Variants in NBEAL1 observed in about 807,000 individuals in gnomAD.
NBEAL1 encodes neurobeachin-like protein 1.
A neutral mutation model predicts 351.3 loss-of-function variants in NBEAL1; 273 were observed. The observed-to-expected ratio is 0.78, with a 90% CI of 0.70 to 0.86. NBEAL1 has a LOEUF of 0.86. NBEAL1 is among the 40% of genes least tolerant of loss of function. The pLI is 0.00. For synonymous variants in NBEAL1, 1,050 were observed against 1,086.4 expected (o/e 0.97, Z 0.66); for missense variants, 2,961 against 3,201.3 (o/e 0.92, Z 1.81).
intron 4 of NBEAL1, among the ~76,000 whole-genome samples, chr2:203,051,103 C>T (rs1210588326): frequency 2.0e-5 from 3 of 152,054 alleles, no homozygotes; most frequent in Non-Finnish European, 2.9e-5. Context: ...TTTCTCATTG[C>T]CTTTGCAGGA....
rs566039616 is a variant in NBEAL1, at chr2:203,110,654, A to G, written c.2082+372A>G. Among the ~76,000 whole-genome samples the G allele has an allele frequency of 7.2e-3, 1,066 of 147,920 alleles. 11 individuals carry two copies. Among genetic ancestry groups the G allele is most frequent in the Non-Finnish European group, 0.012 (786 of 67,324 alleles). ...GTGCCACTGTACTCCAGCCTGGGCA[A>G]CAGAGTGAGATCCTGTCTCAAAATA... is the stretch of plus-strand genomic sequence containing the variant. On this transcript the variant is annotated intron_variant, in intron 15 of 55. Transcript: ENST00000683969.
chr2:203,159,660 T>C (rs189793875), intron 36 of NBEAL1, among the ~76,000 whole-genome samples: 191 of 152,322 alleles, frequency 1.3e-3, no homozygotes, highest in Middle Eastern at 3.4e-3. Context: ...AGGTTGTTTC[T>C]ACTTTTAGGC....
chr2:203,190,028 C>G (rs2065020458), intron 45 of NBEAL1, among the ~76,000 whole-genome samples: 1 of 151,408 alleles, frequency 6.6e-6, no homozygotes, highest in Admixed American at 6.6e-5. Flanking sequence ...CCCAGCTACT[C>G]AGGAGGCTGA....
chr2:203,083,460 T>C lies in NBEAL1; in HGVS notation c.926T>C (p.Leu309Ser). The C allele has an allele frequency of 6.4e-7, 1 of 1,552,932 alleles. No individual in the cohort carries two copies. Among genetic ancestry groups the C allele is most frequent in the Non-Finnish European group, 8.7e-7 (1 of 1,147,236 alleles). ...FKLLNSDHSALPNQRRSRQWE... is the reference protein window; with the variant it reads ...FKLLNSDHSASPNQRRSRQWE... ...TTGCTAAATTCAGATCATTCAGCTT[T>C]ACCTAATCAAAGGAGGTCCAGACAG... The change falls in exon 9 of 56, where the codon TTA becomes TCA. Residue 309 changes from leucine to serine, a missense_variant. Transcript: ENST00000683969.
In NBEAL1 at chr2:203,199,418, C is replaced by G; in HGVS notation, c.7209C>G (p.Phe2403Leu). The G allele has an allele frequency of 6.2e-7, 1 of 1,601,062 alleles. No homozygotes were observed. The highest frequency in any genetic ancestry group is 8.6e-7 in the Non-Finnish European group (1 of 1,169,382). Residue 2403 changes from phenylalanine to leucine, a missense_variant, in exon 49 of 56, where the codon TTC becomes TTG. Transcript: ENST00000683969. ...YDRNISNYFT[F>L]IKDQTVTNPK... is the part of the protein sequence containing the mutation. ...GAAACATTTCTAATTACTTTACATT[C>G]ATCAAGGATCAAACTGTGACAAATC...
chr2:203,134,632 T>C (rs1485330983), intron 27 of NBEAL1, among the ~76,000 whole-genome samples: 3 of 152,216 alleles, frequency 2.0e-5, no homozygotes, highest in Non-Finnish European at 2.9e-5. Flanking sequence ...ATTGACTTTG[T>C]GATAAAATTG....
rs148177571 is a variant in NBEAL1, at chr2:203,102,086, G to A, written c.1269+2374G>A. Among the ~76,000 whole-genome samples the A allele has an allele frequency of 3.3e-3, 506 of 152,278 alleles. 4 individuals are homozygous for A. The highest frequency in any genetic ancestry group is 0.012 in the African/African-American group (481 of 41,552). On this transcript the variant is annotated intron_variant, in intron 12 of 55. Transcript: ENST00000683969. ...TTTTGTGGTAATTGTTAATGGGATT[G>A]CATTCTTGATTTGGCTCTTAGCTTG...
In NBEAL1 at chr2:203,175,223, G is replaced by A; in HGVS notation, c.6400G>A (p.Val2134Ile). The change falls in exon 42 of 56, where the codon GTC (valine) becomes ATC (isoleucine). Residue 2134 changes from valine to isoleucine, a missense_variant. By Grantham distance (29) the Val-to-Ile change is conservative. Transcript: ENST00000683969. ...YGTHYSNSAG[V>I]MHYLIRVEPF... ...TACTCACTATTCAAATTCTGCGGGG[G>A]TCATGCACTATCTCATTCGTGTAGA... The A allele has an allele frequency of 6.2e-7, 1 of 1,613,882 alleles. No individual in the cohort carries two copies. The highest frequency in any genetic ancestry group is 8.5e-7 in the Non-Finnish European group (1 of 1,179,870).
chr2:203,016,844 A>G (rs1223383460), intron 2 of NBEAL1, among the ~76,000 whole-genome samples: 1 of 152,184 alleles, frequency 6.6e-6, no homozygotes, highest in Non-Finnish European at 1.5e-5. Flanking sequence ...TTGCATCACA[A>G]GGTTATTGAT....
intron 55 of NBEAL1, among the ~76,000 whole-genome samples, chr2:203,215,697 AAAAAG>A (rs1200639669): frequency 1.3e-5 from 2 of 151,670 alleles, no homozygotes; most frequent in African/African-American, 2.4e-5. Context: ...CAAAAAAAAA[AAAAAG>A]AAAAGTGACC....
chr2:203,057,605 T>A (rs540605569), intron 6 of NBEAL1, among the ~76,000 whole-genome samples, 152 bp downstream of exon 6: 1 of 152,334 alleles, frequency 6.6e-6, no homozygotes, highest in African/African-American at 2.4e-5. Context: ...TTGGAGGGAA[T>A]GAATTAGTGA....
chr2:203,195,051 A>G (rs1268531009), intron 47 of NBEAL1, among the ~76,000 whole-genome samples: 1 of 151,918 alleles, frequency 6.6e-6, no homozygotes, highest in Admixed American at 6.6e-5. Flanking sequence ...ATAAAAAATT[A>G]GCAGGGCATG....
intron 43 of NBEAL1, 93 bp from the exon 44 acceptor site, chr2:203,183,186 T>C (rs762629881): frequency 8.5e-5 from 51 of 597,876 alleles, no homozygotes; most frequent in Non-Finnish European, 1.4e-4. Flanking sequence ...AAAAAATATG[T>C]TTTGCTTAGG....
At chr2:203,027,557 C>T (rs1039085441) in intron 2 of NBEAL1, among the ~76,000 whole-genome samples, 3 of 152,136 alleles carry the variant, frequency 2.0e-5, no homozygotes, top group East Asian at 1.9e-4. Flanking sequence ...TGACACTGAA[C>T]ATTTGAATGG....
chr2:203,132,064 T>C lies in NBEAL1; in HGVS notation c.3656T>C (p.Leu1219Pro), dbSNP rs1275380209. 1 of 1,552,824 alleles carries C rather than the reference T, an allele frequency of 6.4e-7. No homozygotes were observed. Among genetic ancestry groups the C allele is most frequent in the East Asian group, 2.4e-5 (1 of 41,958 alleles). ...LREVGYSGLG[L>P]LLNEALVNTS... ...GAAGTTGGCTACTCGGGACTGGGAC[T>C]CCTTCTTAATGAAGCACTTGTTAAT... Residue 1219 changes from leucine to proline, a missense_variant, in exon 26 of 56, where the codon CTC (leucine) becomes CCC (proline). By Grantham distance (98) the Leu-to-Pro change is moderately conservative (BLOSUM62 -3). Transcript: ENST00000683969.
In NBEAL1 at chr2:203,169,773, G is replaced by A. The variant is rs749798246; in HGVS notation, c.6024G>A (p.Leu2008=). The A allele has an allele frequency of 1.2e-5, 19 of 1,608,984 alleles. No individual in the cohort carries two copies. Among genetic ancestry groups the A allele is most frequent in the South Asian group, 4.4e-5 (4 of 90,130 alleles). Residue 2008 remains leucine, a synonymous_variant, in exon 39 of 56, where the codon CTG becomes CTA. Transcript: ENST00000683969. ...TTAGAAACAAAATATATAGCCGACT[G>A]TTGTCACTTCATTCCCCAAATAGTT... ...KEVRNKIYSR[L]LSLHSPNSYY... is the part of the protein sequence containing the mutation.
chr2:203,179,199 CAG>C lies in NBEAL1; in HGVS notation c.6465-1181_6465-1180del, dbSNP rs933524410. On this transcript the variant is annotated intron_variant, in intron 42 of 55. Transcript: ENST00000683969. ...GAAAACAATATCAAATGAAATAAAA[CAG>C]AAGGGATTTATACTGTTGTTTTATT... Among the ~76,000 whole-genome samples the C allele has an allele frequency of 3.2e-4, 48 of 152,074 alleles. 1 individual carries two copies. Among genetic ancestry groups the C allele is most frequent in the African/African-American group, 1.1e-3 (46 of 41,404 alleles).
At chr2:203,134,509 C>A (rs1330482227) in intron 27 of NBEAL1, among the ~76,000 whole-genome samples, 1 of 152,114 alleles carries the variant, frequency 6.6e-6, no homozygotes, top group African/African-American at 2.4e-5. Flanking sequence ...ATATTGAAGT[C>A]CTTACCAACA....
intron 2 of NBEAL1, among the ~76,000 whole-genome samples, chr2:203,027,404 C>T (rs1212723872): frequency 6.6e-6 from 1 of 152,150 alleles, no homozygotes; most frequent in East Asian, 1.9e-4. Context: ...GACTTACCTT[C>T]AGGCTGGTAG....
Sources: allele counts gnomAD v4.1 joint callset (sites outside exome capture counted in the v4.1 genomes callset), GRCh38; gene constraint gnomAD v4.1.1; transcripts MANE v1.5; gene names NCBI Gene and HGNC (gene_info 2026-07-23, HGNC 2026-07-21).